Variants in SLC35G2 observed in about 807,000 individuals in gnomAD.
SLC35G2 encodes the protein solute carrier family 35 member G2.
In SLC35G2, 20 loss-of-function variants were observed where a neutral mutation model predicts 27.2. That is an observed-to-expected ratio of 0.74 (90% CI 0.52 to 1.07). The LOEUF is 1.07. SLC35G2 is among the 50% of genes least tolerant of loss of function. The pLI is 0.00. For synonymous variants in SLC35G2, 148 were observed against 165.3 expected, an observed-to-expected ratio of 0.90 and a Z score of 0.80; for missense variants, 416 against 493.3, an observed-to-expected ratio of 0.84 and a Z score of 1.48.
intron 1 of SLC35G2, among the ~76,000 whole-genome samples, chr3:136,851,023 T>C (rs1937608131): frequency 6.6e-6 from 1 of 152,082 alleles, no homozygotes; most frequent in South Asian, 2.1e-4. Context: ...TTGGGCACAG[T>C]GACTAGAAAC....
In SLC35G2 at chr3:136,854,740, G is replaced by T. The variant is rs568058536; in HGVS notation, c.280G>T (p.Ala94Ser). 2.5e-6 allele frequency: 4 copies of T among 1,614,078 alleles called. No homozygotes were observed. The African/African-American group carries it at 5.3e-5, about 22-fold the overall frequency. The part of the protein sequence containing the change: ...INEIGQFQSF[A>S]EKNIFQSRKM... The stretch of plus-strand genomic sequence containing the variant: ...TGAGATTGGACAATTCCAGAGCTTT[G>T]CAGAAAAAAACATTTTTCAATCCCG... The change falls in exon 2 of 2, where the codon GCA (alanine) becomes TCA (serine). Residue 94 changes from alanine (A) to serine (S), a missense_variant. Physicochemically the swap from Ala to Ser is moderately conservative, Grantham distance 99. Coordinates refer to ENST00000446465, the MANE Select transcript of SLC35G2 (RefSeq NM_025246.3).
At chr3:136,848,577 G>GT (rs1426693735) in intron 1 of SLC35G2, among the ~76,000 whole-genome samples, 1 of 152,118 alleles carries the variant, frequency 6.6e-6, no homozygotes, top group Non-Finnish European at 1.5e-5. Context: ...TGAATCTGGG[G>GT]TGACAAAAAG....
chr3:136,820,995 T>TAAG (rs10661938), intron 1 of SLC35G2, among the ~76,000 whole-genome samples: 103,669 of 151,796 alleles, frequency 0.68, 35,653 homozygotes, highest in East Asian at 0.87. Flanking sequence ...TTTATAATCT[T>TAAG]AACATATGAC....
At chr3:136,831,462 T>C (rs537248870) in intron 1 of SLC35G2, among the ~76,000 whole-genome samples, 2 of 152,340 alleles carry the variant, frequency 1.3e-5, no homozygotes, top group South Asian at 4.1e-4. Context: ...ATGCCTTTTC[T>C]TGGAGTGGTA....
chr3:136,839,518 T>C (rs1937001863), intron 1 of SLC35G2, among the ~76,000 whole-genome samples: 1 of 152,174 alleles, frequency 6.6e-6, no homozygotes, highest in South Asian at 2.1e-4. Context: ...GAACCTTGAC[T>C]GAGTAGAGAG....
intron 1 of SLC35G2, among the ~76,000 whole-genome samples, chr3:136,823,845 C>T (rs1936518840): frequency 1.3e-5 from 2 of 151,382 alleles, no homozygotes; most frequent in South Asian, 4.2e-4. Context: ...ACCTTGTGAT[C>T]CACCCACCTC....
chr3:136,826,029 C>G (rs1003030196), intron 1 of SLC35G2, among the ~76,000 whole-genome samples: 3 of 148,596 alleles, frequency 2.0e-5, no homozygotes, highest in Non-Finnish European at 4.5e-5. Context: ...CTTTTCTTTT[C>G]TTTATTTTAT....
At chr3:136,840,146 C>T (rs1044141901) in intron 1 of SLC35G2, among the ~76,000 whole-genome samples, 11 of 152,198 alleles carry the variant, frequency 7.2e-5, no homozygotes, top group African/African-American at 2.7e-4. Flanking sequence ...GGGGGACTGC[C>T]ACACCTTCAG....
intron 1 of SLC35G2, among the ~76,000 whole-genome samples, chr3:136,844,781 G>GC: frequency 8.5e-6 from 1 of 118,046 alleles, no homozygotes; most frequent in Middle Eastern, 8.5e-3. Context: ...CTGGGCGACA[G>GC]CAAGACTCTC....
chr3:136,848,711 C>A (rs573035631), intron 1 of SLC35G2, among the ~76,000 whole-genome samples: 4 of 152,284 alleles, frequency 2.6e-5, no homozygotes, highest in African/African-American at 9.6e-5. Context: ...TTCTGTCTTA[C>A]AAGCTCTTAT....
chr3:136,826,162 AAG>A (rs757445456), intron 1 of SLC35G2, among the ~76,000 whole-genome samples: 9 of 151,996 alleles, frequency 5.9e-5, no homozygotes, highest in Non-Finnish European at 1.3e-4. Context: ...TCAGCCTCCC[AAG>A]TAGCTGGGAC....
Position 136,834,483 on chromosome 3 carries a change from C to A in SLC35G2, c.-19+14855C>A, listed in dbSNP as rs567409717. ...TAGCTGGGATTATAGGCACCTGCCA[C>A]CACACCCAGCTAAGTTTTGTATTTT... is the stretch of plus-strand genomic sequence containing the variant. On this transcript the variant is annotated intron_variant, in intron 1 of 1. Coordinates refer to ENST00000446465, the MANE Select transcript of SLC35G2 (RefSeq NM_025246.3). Among the ~76,000 whole-genome samples the A allele has an allele frequency of 2.0e-5, 3 of 152,256 alleles. No individual in the cohort carries two copies. In the East Asian group the frequency reaches 5.8e-4, roughly 29 times the overall value.
intron 1 of SLC35G2, 47 bp downstream of exon 1, chr3:136,819,675 TAAA>T (rs1217220632): frequency 6.6e-6 from 1 of 152,246 alleles, no homozygotes; most frequent in Non-Finnish European, 1.5e-5. Flanking sequence ...ATACAAGTTT[TAAA>T]AAAGGCTGGA....
At chr3:136,831,934 G>A (rs116231407) in intron 1 of SLC35G2, among the ~76,000 whole-genome samples, 2,629 of 151,130 alleles carry the variant, frequency 0.017, 87 homozygotes, top group African/African-American at 0.061. Flanking sequence ...AAATCACTCT[G>A]CACAAATAAT....
intron 1 of SLC35G2, among the ~76,000 whole-genome samples, chr3:136,834,990 A>C (rs1406456989): frequency 6.6e-6 from 1 of 152,188 alleles, no homozygotes; most frequent in East Asian, 1.9e-4. Flanking sequence ...CAGAGGTGAT[A>C]TCCAATTATC....
At chr3:136,829,762 G>T (rs759589334) in intron 1 of SLC35G2, among the ~76,000 whole-genome samples, 1 of 151,964 alleles carries the variant, frequency 6.6e-6, no homozygotes, top group Non-Finnish European at 1.5e-5. Context: ...GGCTTGTAAG[G>T]TTTCCACTGA....
intron 1 of SLC35G2, chr3:136,837,864 A>C (rs1403528034): frequency 6.6e-6 from 1 of 151,352 alleles, no homozygotes; most frequent in Non-Finnish European, 1.5e-5. Context: ...TTTTGAAACA[A>C]GGTCTTGCTC....
At position 136,854,926 on chromosome 3, in the gene SLC35G2, GA is replaced by G. The variant is rs1481470338; in HGVS notation, c.467del (p.Glu156GlyfsTer33). Reference protein sequence around the residue: ...LSVLVVCYYQEAPFGPSGYRL... With the variant: ...LSVLVVCYYQXAPFGPSGYRL... ...TGTGTTAGTTGTGTGTTACTATCAG[GA>G]GGCCCCCTTTGGACCCAGTGGATAC... On this transcript the variant is annotated frameshift_variant, in exon 2 of 2. Coordinates refer to ENST00000446465, the MANE Select transcript of SLC35G2 (RefSeq NM_025246.3). LOFTEE classifies it high-confidence loss of function. The G allele has an allele frequency of 6.2e-7, 1 of 1,613,998 alleles. No individual in the cohort carries two copies.
intron 1 of SLC35G2, chr3:136,842,948 T>C (rs1937161724): frequency 6.6e-6 from 1 of 152,098 alleles, no homozygotes; most frequent in African/African-American, 2.4e-5. Context: ...TCTAGTATCA[T>C]TGTGGGAGGA....
Sources: gnomAD v4.1 joint callset for allele counts (sites outside exome capture counted in the v4.1 genomes callset) on GRCh38, gnomAD v4.1.1 for gene constraint, MANE v1.5 for transcripts, NCBI Gene and HGNC (gene_info 2026-07-23, HGNC 2026-07-21) for gene names.